The following ICA1 variants were observed in gnomAD, a reference collection of about 807,000 sequenced individuals.
ICA1 encodes the protein 69 kDa islet cell autoantigen.
A neutral mutation model predicts 71.0 loss-of-function variants in ICA1; 40 were observed. The ratio of observed to expected loss-of-function variants is 0.56; its 90% confidence interval spans 0.44 to 0.73. The LOEUF (loss-of-function observed/expected upper bound fraction) is 0.73, where lower values mean the gene tolerates loss of function less well. Ranked by LOEUF, ICA1 falls within the 30% of genes least tolerant of loss-of-function variation. ICA1 has a pLI of 0.00. For missense variants in ICA1, 578 were observed against 576.5 expected (o/e 1.00, Z -0.03); for synonymous variants, 207 against 209.5 (o/e 0.99, Z 0.10).
At chr7:8,134,080 A>C (rs1004960779) in intron 12 of ICA1, among the ~76,000 whole-genome samples, 5 of 152,272 alleles carry the variant, frequency 3.3e-5, no homozygotes, top group Admixed American at 6.5e-5. Context: ...ATTAATATTT[A>C]AGCTTTTGTA....
chr7:8,124,408 C>G (rs962848780), intron 13 of ICA1, among the ~76,000 whole-genome samples: 5 of 150,712 alleles, frequency 3.3e-5, no homozygotes, highest in Admixed American at 2.6e-4. Flanking sequence ...CATGAGCCAC[C>G]GCGCCCAGCC....
intron 6 of ICA1, among the ~76,000 whole-genome samples, chr7:8,190,229 T>C (rs1785149063): frequency 6.6e-6 from 1 of 152,142 alleles, no homozygotes; most frequent in Non-Finnish European, 1.5e-5. Flanking sequence ...TTTTTTTTTT[T>C]TCCGCAGTCA....
At chr7:8,235,140 G>T (rs1269382194) in intron 2 of ICA1, among the ~76,000 whole-genome samples, 1 of 151,862 alleles carries the variant, frequency 6.6e-6, no homozygotes, top group Non-Finnish European at 1.5e-5. Flanking sequence ...CTCCAGCCTG[G>T]GTGACAGAGT....
In ICA1 at chr7:8,222,502, T is replaced by G. The variant is rs147164660; in HGVS notation, c.257-1104A>C. Among the ~76,000 whole-genome samples, 608 of 152,350 alleles carry G rather than the reference T, an allele frequency of 4.0e-3. 5 individuals are homozygous for G. Among genetic ancestry groups the G allele is most frequent in the African/African-American group, 0.014 (587 of 41,578 alleles). On this transcript the variant is annotated intron_variant, in intron 4 of 13. Transcript: ENST00000402384. This position sits in a 1 kb window ranked among gnomAD's most constrained non-coding sequence, Gnocchi z 4.8. ...GTCAGCTTTCACAAACCAGTCACTTTTCTTTAAGAATGCACCCCCATTCCT... is the reference window on the plus strand; with the variant it reads ...GTCAGCTTTCACAAACCAGTCACTTGTCTTTAAGAATGCACCCCCATTCCT...
At chr7:8,186,726 T>C (rs144784045) in intron 6 of ICA1, among the ~76,000 whole-genome samples, 1 of 152,268 alleles carries the variant, frequency 6.6e-6, no homozygotes, top group African/African-American at 2.4e-5. Flanking sequence ...GGGTAAGATA[T>C]CACAAGTGTA....
rs1254784334 is a variant in ICA1 at position 8,113,968 on chromosome 7, A to G, written c.1407T>C (p.Asp469=). ...FADLDPLSNP[D]AVGKTDKEHE... ...GTTCTTTATCGGTTTTCCCAACAGCATCAGGATTTGAGAGTGGGTCGAGGT... is the reference window on the plus strand; with the variant it reads ...GTTCTTTATCGGTTTTCCCAACAGCGTCAGGATTTGAGAGTGGGTCGAGGT... The change falls in exon 14 of 14, where the codon GAT becomes GAC. Residue 469 remains aspartate (D), a synonymous_variant. Transcript: ENST00000402384. The surrounding 1 kb of genome is among the most constrained non-coding windows in gnomAD (Gnocchi z 4.2). The G allele has an allele frequency of 1.2e-6, 2 of 1,614,044 alleles. No individual in the cohort carries two copies. Among genetic ancestry groups the G allele is most frequent in the Non-Finnish European group, 1.7e-6 (2 of 1,180,024 alleles).
chr7:8,257,911 G>A (rs1272130697), intron 1 of ICA1, among the ~76,000 whole-genome samples: 2 of 152,152 alleles, frequency 1.3e-5, no homozygotes, highest in Non-Finnish European at 2.9e-5. Flanking sequence ...ATTTGTATTA[G>A]CATTCTCTCC....
intron 6 of ICA1, among the ~76,000 whole-genome samples, chr7:8,171,429 G>A (rs961891951): frequency 6.6e-6 from 1 of 151,894 alleles, no homozygotes; most frequent in Non-Finnish European, 1.5e-5. Context: ...TTGGCTTAAA[G>A]TTGTTCATAA....
Position 8,157,112 on chromosome 7 carries a change from A to T in ICA1, c.804+4T>A. 3 of 1,614,168 alleles carry T rather than the reference A, an allele frequency of 1.9e-6. No individual in the cohort carries two copies. The highest frequency in any genetic ancestry group is 2.5e-6 in the Non-Finnish European group (3 of 1,180,028). ...TTTTCTAGTGGCCCCTCTAGCTTCC[A>T]TACCTTTAAAGTAGTAAATTCATAT... On this transcript the variant is annotated splice_donor_region_variant and intron_variant, in intron 8 of 13. Transcript: ENST00000402384.
At chr7:8,171,943 GT>G (rs1346826182) in intron 6 of ICA1, among the ~76,000 whole-genome samples, 2 of 151,784 alleles carry the variant, frequency 1.3e-5, no homozygotes, top group African/African-American at 4.8e-5. Flanking sequence ...CTGATTTCTA[GT>G]TTAATTCTGT....
At chr7:8,217,587 C>T (rs1795796769) in intron 6 of ICA1, among the ~76,000 whole-genome samples, 1 of 152,116 alleles carries the variant, frequency 6.6e-6, no homozygotes, top group Non-Finnish European at 1.5e-5. Context: ...TCCAGGCGAC[C>T]AAACAAAGAA....
chr7:8,176,139 T>C (rs111317348), intron 6 of ICA1, among the ~76,000 whole-genome samples: 1,751 of 152,362 alleles, frequency 0.011, 36 homozygotes, highest in African/African-American at 0.04. Context: ...TCTCCTCTTG[T>C]ACGAAACACA....
chr7:8,258,091 G>C (rs1388518461), intron 1 of ICA1, among the ~76,000 whole-genome samples: 1 of 152,116 alleles, frequency 6.6e-6, no homozygotes, highest in Non-Finnish European at 1.5e-5. Flanking sequence ...CCTTTCTCCT[G>C]TTGGGGTGGG....
In ICA1 at chr7:8,203,685, G is replaced by A. The variant is rs868260645; in HGVS notation, c.579+14620C>T. On this transcript the variant is annotated intron_variant, in intron 6 of 13. Transcript: ENST00000402384. Reference sequence around the variant, plus strand: ...GAGGCCCTAATTCAGAGTGAGTTGAGATGTTCTTCACTGGAAATGTCTGCA... The same window carrying A: ...GAGGCCCTAATTCAGAGTGAGTTGAAATGTTCTTCACTGGAAATGTCTGCA... Among the ~76,000 whole-genome samples, 8 of 152,350 alleles carry A rather than the reference G, an allele frequency of 5.3e-5. No individual in the cohort carries two copies. In the South Asian group the frequency reaches 1.4e-3, roughly 28 times the overall value.
At chr7:8,164,394 G>A (rs187993282) in intron 6 of ICA1, among the ~76,000 whole-genome samples, 2 of 151,470 alleles carry the variant, frequency 1.3e-5, no homozygotes, top group Admixed American at 1.3e-4. Context: ...TGCTGGTTAT[G>A]GAAAATACTG....
At chr7:8,233,423 C>A (rs1800872678) in intron 2 of ICA1, among the ~76,000 whole-genome samples, 1 of 146,784 alleles carries the variant, frequency 6.8e-6, no homozygotes, top group Non-Finnish European at 1.5e-5. Context: ...GATGGACTTT[C>A]ACTCCTGTTG....
intron 1 of ICA1, among the ~76,000 whole-genome samples, chr7:8,247,611 C>G (rs1806542039): frequency 6.6e-6 from 1 of 152,170 alleles, no homozygotes; most frequent in South Asian, 2.1e-4. Flanking sequence ...GAGTTTGATT[C>G]ATTGCCACAA....
At chr7:8,146,660 C>A (rs1293693656) in intron 8 of ICA1, among the ~76,000 whole-genome samples, 1 of 151,586 alleles carries the variant, frequency 6.6e-6, no homozygotes, top group Non-Finnish European at 1.5e-5. Flanking sequence ...ATATGGACTG[C>A]AGCCTGGATG....
chr7:8,259,090 G>A (rs1447250981), intron 1 of ICA1, among the ~76,000 whole-genome samples: 3 of 152,174 alleles, frequency 2.0e-5, no homozygotes, highest in Non-Finnish European at 4.4e-5. Context: ...GCTTGACCGG[G>A]AATCCACACT....
Sources: gnomAD v4.1 joint callset for allele counts (sites outside exome capture counted in the v4.1 genomes callset) on GRCh38, gnomAD v4.1.1 for gene constraint, Gnocchi (gnomAD v3.1) non-coding constraint, MANE v1.5 for transcripts, NCBI Gene and HGNC (gene_info 2026-07-23, HGNC 2026-07-21) for gene names.